The following SGCZ variants were observed in gnomAD, a reference collection of about 807,000 sequenced individuals.
SGCZ encodes zeta-sarcoglycan.
Under a neutral mutation model 41.3 loss-of-function variants are expected in SGCZ, and 40 were observed. The ratio of observed to expected loss-of-function variants is 0.97; its 90% CI spans 0.75 to 1.26. The LOEUF is 1.26. SGCZ is among the 50% of genes most tolerant of loss of function. The pLI is 0.00. For synonymous variants in SGCZ, 206 were observed against 137.5 expected (o/e 1.50, Z -3.49); for missense variants, 552 against 369.8 (o/e 1.49, Z -4.04).
At chr8:14,434,746 T>C (rs772430397) in intron 2 of SGCZ, among the ~76,000 whole-genome samples, 2 of 152,180 alleles carry the variant, frequency 1.3e-5, no homozygotes, top group Non-Finnish European at 2.9e-5. Context: ...GTAAAAGAAG[T>C]TGAGTTCTTG....
chr8:14,186,590 AG>A (rs1804910194), intron 4 of SGCZ, among the ~76,000 whole-genome samples: 1 of 152,216 alleles, frequency 6.6e-6, no homozygotes, highest in African/African-American at 2.4e-5. Context: ...TCCTAAGCAG[AG>A]ATTTTACTGA....
chr8:14,436,442 G>A (rs1229574786), intron 2 of SGCZ, among the ~76,000 whole-genome samples: 1 of 152,148 alleles, frequency 6.6e-6, no homozygotes, highest in Admixed American at 6.5e-5. Flanking sequence ...CTAGCCCACT[G>A]TATGCAAAGT....
At chr8:15,202,981 G>A (rs2117138538) in intron 1 of SGCZ, among the ~76,000 whole-genome samples, 1 of 152,080 alleles carries the variant, frequency 6.6e-6, no homozygotes, top group East Asian at 2.0e-4. Context: ...ATTATGGTGG[G>A]TGCTTGTAAT....
intron 2 of SGCZ, among the ~76,000 whole-genome samples, chr8:14,367,714 A>T (rs1033723358): frequency 6.6e-6 from 1 of 152,016 alleles, no homozygotes; most frequent in Admixed American, 6.6e-5. Context: ...CTATCACGGG[A>T]ATATCAAGGG....
At chr8:14,403,989 T>C (rs1046693202) in intron 2 of SGCZ, among the ~76,000 whole-genome samples, 17 of 152,098 alleles carry the variant, frequency 1.1e-4, no homozygotes, top group Admixed American at 1.1e-3. Flanking sequence ...AGAAACCATG[T>C]ATAAAGCCCA....
At chr8:14,606,001 C>T (rs1008235836) in intron 1 of SGCZ, among the ~76,000 whole-genome samples, 3 of 151,994 alleles carry the variant, frequency 2.0e-5, no homozygotes, top group Non-Finnish European at 2.9e-5. Context: ...GATAATCATT[C>T]TGTATACCTT....
At position 14,829,517 on chromosome 8, in the gene SGCZ, T is replaced by C. The variant is rs575773236; in HGVS notation, c.40-274591A>G. 7.9e-5 allele frequency among the ~76,000 whole-genome samples: 12 copies of C among 152,342 alleles called. No homozygotes were observed. In the South Asian group the frequency reaches 2.5e-3, roughly 32 times the overall value. Reference sequence around the variant, plus strand: ...ACATCAATAGGAAAGTAAGTTTGAATAGTTATATTCAAGTAGAAAATATAG... The same window carrying C: ...ACATCAATAGGAAAGTAAGTTTGAACAGTTATATTCAAGTAGAAAATATAG... On this transcript the variant is annotated intron_variant, in intron 1 of 7. Coordinates refer to ENST00000382080, the MANE Select transcript of SGCZ (RefSeq NM_139167.4).
chr8:14,247,345 G>A (rs1585276405), intron 3 of SGCZ, among the ~76,000 whole-genome samples: 1 of 152,064 alleles, frequency 6.6e-6, no homozygotes, highest in East Asian at 1.9e-4. Context: ...TCTCCCAACC[G>A]ATAATACGGA....
At chr8:15,093,515 AT>A (rs1251509874) in intron 1 of SGCZ, among the ~76,000 whole-genome samples, 2 of 152,106 alleles carry the variant, frequency 1.3e-5, no homozygotes, top group African/African-American at 4.8e-5. Context: ...CATTGTTTTT[AT>A]TTTTTTCATT....
At chr8:15,046,253 A>G (rs1272713065) in intron 1 of SGCZ, among the ~76,000 whole-genome samples, 1 of 152,098 alleles carries the variant, frequency 6.6e-6, no homozygotes, top group Admixed American at 6.6e-5. Context: ...ACACTGAAGA[A>G]CGAGTAAGTG....
chr8:14,186,294 C>G (rs181867889), intron 4 of SGCZ, among the ~76,000 whole-genome samples: 1 of 152,310 alleles, frequency 6.6e-6, no homozygotes, highest in African/African-American at 2.4e-5. Context: ...ATTTTTTAAA[C>G]AGCAGAAGCA....
intron 2 of SGCZ, among the ~76,000 whole-genome samples, chr8:14,441,671 T>C (rs1388948487): frequency 3.9e-5 from 6 of 152,334 alleles, no homozygotes; most frequent in African/African-American, 1.4e-4. Context: ...TCTCAAGGGT[T>C]TGGCTTTGTA....
chr8:14,197,308 C>G (rs1380810554), intron 4 of SGCZ, among the ~76,000 whole-genome samples: 1 of 152,042 alleles, frequency 6.6e-6, no homozygotes, highest in Non-Finnish European at 1.5e-5. Context: ...ACGAATGTTA[C>G]TCTGATACCA....
intron 3 of SGCZ, among the ~76,000 whole-genome samples, chr8:14,302,538 C>T (rs777977515): frequency 6.6e-6 from 1 of 152,128 alleles, no homozygotes; most frequent in Non-Finnish European, 1.5e-5. Flanking sequence ...TGACCTACAC[C>T]CTCTCCGATT....
intron 4 of SGCZ, among the ~76,000 whole-genome samples, chr8:14,171,231 C>T (rs991794211): frequency 1.0e-4 from 15 of 148,258 alleles, no homozygotes; most frequent in Non-Finnish European, 2.2e-4. Context: ...TACATTTTGA[C>T]ACATGTATCA....
rs77095182 is a variant in SGCZ, at chr8:14,530,908, A to G, written c.234+23824T>C. On this transcript the variant is annotated intron_variant, in intron 2 of 7. Coordinates refer to ENST00000382080, the MANE Select transcript of SGCZ (RefSeq NM_139167.4). ...GAAAAATCCATTGCTTGATCATAAT[A>G]GGTAAGTGAGGCTCTACTACAGGTA... is the stretch of plus-strand genomic sequence containing the variant. Among the ~76,000 whole-genome samples, 1,164 of 152,208 alleles carry G rather than the reference A, an allele frequency of 7.6e-3. 11 individuals carry two copies. Among genetic ancestry groups the G allele is most frequent in the African/African-American group, 0.027 (1,113 of 41,568 alleles).
intron 7 of SGCZ, among the ~76,000 whole-genome samples, chr8:14,095,166 T>C (rs961955352): frequency 6.6e-6 from 1 of 152,162 alleles, no homozygotes; most frequent in African/African-American, 2.4e-5. Context: ...TCTGTTGCCA[T>C]TGCTTTTGGT....
At chr8:14,475,880 G>A (rs1485788371) in intron 2 of SGCZ, among the ~76,000 whole-genome samples, 1 of 151,966 alleles carries the variant, frequency 6.6e-6, no homozygotes. Context: ...GTGTCACTCA[G>A]GCTGGAATGC....
chr8:14,901,595 T>C (rs567230431), intron 1 of SGCZ, among the ~76,000 whole-genome samples: 1 of 152,076 alleles, frequency 6.6e-6, no homozygotes, highest in East Asian at 1.9e-4. Flanking sequence ...TTCACACATT[T>C]TGGGGTGAAA....
Sources: allele counts gnomAD v4.1 joint callset (sites outside exome capture counted in the v4.1 genomes callset), GRCh38; gene constraint gnomAD v4.1.1; transcripts MANE v1.5; gene names NCBI Gene and HGNC (gene_info 2026-07-23, HGNC 2026-07-21).